GPC5: variants seen among roughly 807,000 people sequenced by gnomAD.
GPC5 encodes the protein glypican 5.
In GPC5, 47 loss-of-function variants were observed where a neutral mutation model predicts 53.9. The ratio of observed to expected loss-of-function variants is 0.87; its 90% confidence interval spans 0.69 to 1.11. The LOEUF (loss-of-function observed/expected upper bound fraction) is 1.11, where lower values mean the gene tolerates loss of function less well. Ranked by LOEUF, GPC5 falls within the 50% of genes most tolerant of loss-of-function variation. The pLI is 0.00. For missense variants in GPC5, 748 were observed against 713.1 expected, an observed-to-expected ratio of 1.05 and a Z score of -0.56; for synonymous variants, 286 against 263.3, an observed-to-expected ratio of 1.09 and a Z score of -0.84.
intron 7 of GPC5, among the ~76,000 whole-genome samples, chr13:92,325,889 T>C (rs1411699743): frequency 1.3e-5 from 2 of 152,022 alleles, no homozygotes; most frequent in African/African-American, 4.8e-5. Context: ...CACTATACTT[T>C]TGGGATTGAT....
chr13:91,573,674 T>G (rs148952010), intron 2 of GPC5, among the ~76,000 whole-genome samples: 6 of 152,168 alleles, frequency 3.9e-5, no homozygotes, highest in Non-Finnish European at 5.9e-5. Flanking sequence ...AGTACCAGTA[T>G]CTAATTTATT....
intron 7 of GPC5, among the ~76,000 whole-genome samples, chr13:92,634,949 A>C (rs866113225): frequency 1.7e-4 from 26 of 151,752 alleles, no homozygotes; most frequent in African/African-American, 5.3e-4. Context: ...GCTGTATTTT[A>C]TATTTTCTAT....
chr13:92,178,509 T>A (rs1028001505), intron 7 of GPC5, among the ~76,000 whole-genome samples: 1 of 150,594 alleles, frequency 6.6e-6, no homozygotes, highest in Non-Finnish European at 1.5e-5. Context: ...ATATATATAC[T>A]ATTATTAAAT....
chr13:92,751,134 A>G (rs1353753835), intron 7 of GPC5, among the ~76,000 whole-genome samples: 1 of 151,922 alleles, frequency 6.6e-6, no homozygotes, highest in Non-Finnish European at 1.5e-5. Context: ...CTTTATTAGA[A>G]GTCCAATTTA....
intron 7 of GPC5, among the ~76,000 whole-genome samples, chr13:92,402,920 T>A (rs1875624334): frequency 1.3e-5 from 2 of 152,196 alleles, no homozygotes; most frequent in South Asian, 4.1e-4. Flanking sequence ...TTATTCCTCA[T>A]TGCGGCAGCA....
intron 6 of GPC5, among the ~76,000 whole-genome samples, chr13:92,056,107 G>A (rs542132618): frequency 5.3e-5 from 8 of 152,142 alleles, no homozygotes; most frequent in Non-Finnish European, 1.0e-4. Flanking sequence ...TTATCTTATA[G>A]TTCTGCGGGT....
At chr13:92,589,659 A>G (rs1883655620) in intron 7 of GPC5, among the ~76,000 whole-genome samples, 2 of 152,206 alleles carry the variant, frequency 1.3e-5, no homozygotes, top group Admixed American at 6.5e-5. Context: ...GCCAAATTCC[A>G]TAAACAGTTT....
chr13:92,157,779 A>G (rs1369731530), intron 7 of GPC5, among the ~76,000 whole-genome samples: 1 of 151,996 alleles, frequency 6.6e-6, no homozygotes, highest in Non-Finnish European at 1.5e-5. Flanking sequence ...CCCTTTTCAT[A>G]TTTTATCACT....
chr13:91,713,021 G>A (rs2036261319), intron 3 of GPC5, among the ~76,000 whole-genome samples: 1 of 151,960 alleles, frequency 6.6e-6, no homozygotes, highest in Non-Finnish European at 1.5e-5. Flanking sequence ...TGAAACCCAG[G>A]CTGTACTAAA....
chr13:92,395,981 C>CT (rs1450911827), intron 7 of GPC5, among the ~76,000 whole-genome samples: 1 of 145,980 alleles, frequency 6.9e-6, no homozygotes, highest in Admixed American at 7.1e-5. Context: ...TCTGAGCTTT[C>CT]TGTATCTGTG....
intron 2 of GPC5, among the ~76,000 whole-genome samples, chr13:91,584,237 GT>G (rs772288697): frequency 9.2e-5 from 14 of 151,450 alleles, no homozygotes; most frequent in Admixed American, 2.0e-4. Flanking sequence ...AAATTGTTAA[GT>G]TTTTTTTTGC....
At chr13:92,337,279 TAAAAG>T (rs1278264694) in intron 7 of GPC5, among the ~76,000 whole-genome samples, 1 of 150,188 alleles carries the variant, frequency 6.7e-6, no homozygotes, top group Non-Finnish European at 1.5e-5. Context: ...AAAACTATGA[TAAAAG>T]AAATCAAAGA....
At chr13:92,416,558 T>C (rs1252085185) in intron 7 of GPC5, among the ~76,000 whole-genome samples, 1 of 152,210 alleles carries the variant, frequency 6.6e-6, no homozygotes, top group Non-Finnish European at 1.5e-5. Flanking sequence ...TCACACCATA[T>C]ACGAAAAATT....
chr13:92,439,411 T>C (rs1040603570), intron 7 of GPC5, among the ~76,000 whole-genome samples: 8 of 152,176 alleles, frequency 5.3e-5, no homozygotes, highest in East Asian at 1.9e-4. Context: ...CAATTTAAAC[T>C]AAAATAGGCT....
chr13:92,564,253 T>C (rs1485850473), intron 7 of GPC5, among the ~76,000 whole-genome samples: 1 of 151,990 alleles, frequency 6.6e-6, no homozygotes, highest in African/African-American at 2.4e-5. Flanking sequence ...CAAAGCACCC[T>C]ATTCTTCCCT....
At chr13:92,086,570 C>T (rs1432457835) in intron 6 of GPC5, among the ~76,000 whole-genome samples, 8 of 152,114 alleles carry the variant, frequency 5.3e-5, no homozygotes, top group Admixed American at 5.2e-4. Flanking sequence ...TTTATTTTCT[C>T]TTCACACATT....
At chr13:92,089,800 C>T (rs2041365142) in intron 6 of GPC5, among the ~76,000 whole-genome samples, 1 of 152,158 alleles carries the variant, frequency 6.6e-6, no homozygotes, top group Admixed American at 6.5e-5. Context: ...TTCCCAGCCT[C>T]TGATTCCTTT....
At chr13:92,259,422 G>A (rs2042749570) in intron 7 of GPC5, among the ~76,000 whole-genome samples, 1 of 152,176 alleles carries the variant, frequency 6.6e-6, no homozygotes, top group East Asian at 1.9e-4. Context: ...GTGTTCTGTG[G>A]AGGAAATGCC....
intron 7 of GPC5, among the ~76,000 whole-genome samples, chr13:92,817,915 T>C (rs1055533744): frequency 7.2e-5 from 11 of 151,972 alleles, no homozygotes; most frequent in African/African-American, 2.4e-4. Context: ...AAAATAAACC[T>C]TGTGGCAGCA....
Sources: allele counts gnomAD v4.1 joint callset (sites outside exome capture counted in the v4.1 genomes callset), GRCh38; gene constraint gnomAD v4.1.1; transcripts MANE v1.5; gene names NCBI Gene and HGNC (gene_info 2026-07-23, HGNC 2026-07-21).